The following LURAP1 variants were observed in gnomAD, a reference collection of about 807,000 sequenced individuals.
LURAP1 encodes the protein leucine rich adaptor protein 1, also known as NF-kappa-B activator C1orf190.
Under a neutral mutation model 19.0 loss-of-function variants are expected in LURAP1, and 14 were observed. That is an observed-to-expected ratio of 0.74 (90% confidence interval 0.49 to 1.15). The LOEUF (loss-of-function observed/expected upper bound fraction) is 1.15. Ranked by LOEUF, LURAP1 falls within the 50% of genes most tolerant of loss-of-function variation. LURAP1 has a pLI of 0.00. For missense variants in LURAP1, 273 were observed against 309.1 expected (o/e 0.88, Z 0.87); for synonymous variants, 129 against 131.8 (o/e 0.98, Z 0.14).
chr1:46,220,025 A>G lies in LURAP1; in HGVS notation c.525A>G (p.Ile175Met). 6.2e-7 allele frequency: 1 copy of G among 1,614,246 alleles called. No homozygotes were observed. The highest frequency in any genetic ancestry group is 2.2e-5 in the East Asian group (1 of 44,890). Residue 175 changes from isoleucine (I) to methionine (M), a missense_variant, in exon 2 of 2, where the codon ATA becomes ATG. Transcript: ENST00000371980. ...PRSEMDWAKV[I>M]AGGERARTEV... ...CCGAGATGGACTGGGCAAAAGTTAT[A>G]GCTGGTGGAGAGAGGGCCAGGACTG...
At position 46,220,726 on chromosome 1, in the gene LURAP1, CTAGAGATACTTCTA is replaced by C. The variant is rs1386306036; in HGVS notation, c.*515_*528del. On this transcript the variant is annotated 3_prime_UTR_variant, in exon 2 of 2. Transcript: ENST00000371980. The stretch of plus-strand genomic sequence containing the variant: ...AAAGTGCTGGGATTATGCCCAGCCC[CTAGAGATACTTCTA>C]TAGAGATATTGACTCTAAAGGATTG... 6.5e-6 allele frequency: 1 copy of C among 153,370 alleles called. No individual in the cohort carries two copies. The highest frequency in any genetic ancestry group is 1.4e-5 in the Non-Finnish European group (1 of 68,994). 9.5% of individuals were successfully genotyped at this position (153,370 alleles called of 1,614,324 possible).
At chr1:46,216,529 A>T (rs540480935) in intron 1 of LURAP1, among the ~76,000 whole-genome samples, 101 of 152,150 alleles carry the variant, frequency 6.6e-4, no homozygotes, top group African/African-American at 2.4e-3. Context: ...TTTTGTAGAG[A>T]CAGTGTCTCA....
At chr1:46,209,537 CT>C (rs55948355) in intron 1 of LURAP1, among the ~76,000 whole-genome samples, 62 of 139,838 alleles carry the variant, frequency 4.4e-4, no homozygotes, top group African/African-American at 7.3e-4. Flanking sequence ...TTGTTGTTTT[CT>C]TTTTTTTTTT....
chr1:46,216,845 A>T (rs571433953), intron 1 of LURAP1, among the ~76,000 whole-genome samples: 14 of 152,298 alleles, frequency 9.2e-5, no homozygotes, highest in African/African-American at 3.4e-4. Flanking sequence ...CTTTATGTTC[A>T]TATACCCAAT....
intron 1 of LURAP1, among the ~76,000 whole-genome samples, chr1:46,204,336 T>C (rs1658646054): frequency 6.6e-6 from 1 of 152,166 alleles, no homozygotes; most frequent in East Asian, 1.9e-4. Flanking sequence ...ACCCTCCCCT[T>C]TCTCTATTGC....
intron 1 of LURAP1, among the ~76,000 whole-genome samples, chr1:46,208,334 A>T (rs1390030030): frequency 6.6e-6 from 1 of 152,132 alleles, no homozygotes; most frequent in Non-Finnish European, 1.5e-5. Context: ...GTCTTATCTT[A>T]CCCACTAGAT....
At chr1:46,205,902 G>A (rs896115104) in intron 1 of LURAP1, among the ~76,000 whole-genome samples, 6 of 152,250 alleles carry the variant, frequency 3.9e-5, no homozygotes, top group African/African-American at 1.4e-4. Context: ...AGCCCTCTAA[G>A]GACTGTCCTT....
intron 1 of LURAP1, among the ~76,000 whole-genome samples, chr1:46,205,035 A>T (rs1658667334): frequency 6.6e-6 from 1 of 152,180 alleles, no homozygotes; most frequent in Admixed American, 6.5e-5. Context: ...AGGCAGGCAG[A>T]TCGCTTGAGC....
chr1:46,215,910 T>C (rs1659050415), intron 1 of LURAP1, among the ~76,000 whole-genome samples: 1 of 151,978 alleles, frequency 6.6e-6, no homozygotes, highest in Non-Finnish European at 1.5e-5. Flanking sequence ...AAAAATAAAA[T>C]ACGACAATGG....
intron 1 of LURAP1, among the ~76,000 whole-genome samples, chr1:46,205,616 T>C (rs867631328): frequency 3.3e-5 from 5 of 152,218 alleles, no homozygotes; most frequent in African/African-American, 9.6e-5. Flanking sequence ...CTGTAAACTT[T>C]AAGGGGCTGC....
intron 1 of LURAP1, among the ~76,000 whole-genome samples, chr1:46,210,212 A>G (rs1268870596): frequency 6.6e-6 from 1 of 152,200 alleles, no homozygotes; most frequent in African/African-American, 2.4e-5. Context: ...AAATAATTTC[A>G]GGTATAAAAT....
chr1:46,207,169 C>T (rs1013649358), intron 1 of LURAP1, among the ~76,000 whole-genome samples: 4 of 152,090 alleles, frequency 2.6e-5, no homozygotes, highest in Non-Finnish European at 5.9e-5. Context: ...CAACCTCTGC[C>T]TTCCAAGCTC....
chr1:46,213,658 T>C (rs1203061284), intron 1 of LURAP1, among the ~76,000 whole-genome samples: 1 of 152,080 alleles, frequency 6.6e-6, no homozygotes, highest in East Asian at 1.9e-4. Flanking sequence ...AGTTTGAGGC[T>C]ACAGTGAGCT....
intron 1 of LURAP1, among the ~76,000 whole-genome samples, chr1:46,210,853 C>G (rs1257179189): frequency 6.6e-6 from 1 of 152,058 alleles, no homozygotes; most frequent in Non-Finnish European, 1.5e-5. Flanking sequence ...CAGCTCACTG[C>G]AGCCTGTACT....
At chr1:46,213,112 CAT>C (rs1658954588) in intron 1 of LURAP1, among the ~76,000 whole-genome samples, 3 of 151,896 alleles carry the variant, frequency 2.0e-5, no homozygotes, top group African/African-American at 4.8e-5. Flanking sequence ...TATATATGCA[CAT>C]ATATATAAAC....
chr1:46,207,532 C>G (rs1366731520), intron 1 of LURAP1, among the ~76,000 whole-genome samples: 1 of 151,606 alleles, frequency 6.6e-6, no homozygotes, highest in African/African-American at 2.4e-5. Flanking sequence ...ACTTTTCTTT[C>G]TTTCTTTCTT....
intron 1 of LURAP1, among the ~76,000 whole-genome samples, chr1:46,210,221 A>T (rs970799028): frequency 2.6e-5 from 4 of 152,084 alleles, no homozygotes; most frequent in African/African-American, 9.7e-5. Context: ...CAGGTATAAA[A>T]TTTTTTTCTA....
At chr1:46,214,336 A>C (rs1231887793) in intron 1 of LURAP1, among the ~76,000 whole-genome samples, 1 of 149,558 alleles carries the variant, frequency 6.7e-6, no homozygotes, top group Non-Finnish European at 1.5e-5. Flanking sequence ...ACAGAATGAC[A>C]TTCTGTCTCA....
Position 46,213,966 on chromosome 1 carries a change from T to A in LURAP1, c.199-5733T>A, listed in dbSNP as rs113630049. Among the ~76,000 whole-genome samples the A allele has an allele frequency of 6.2e-3, 946 of 152,090 alleles. 9 individuals are homozygous for A. Among genetic ancestry groups the A allele is most frequent in the African/African-American group, 0.021 (880 of 41,468 alleles). On this transcript the variant is annotated intron_variant, in intron 1 of 1. Coordinates refer to ENST00000371980, the MANE Select transcript of LURAP1 (RefSeq NM_001013615.3). ...AGCTTCATACATACACGGTTTCTAG[T>A]CATTGTAGAGATCCACTCTGAAGGG...
Sources: gnomAD v4.1 joint callset for allele counts (sites outside exome capture counted in the v4.1 genomes callset) on GRCh38, gnomAD v4.1.1 for gene constraint, MANE v1.5 for transcripts, NCBI Gene and HGNC (gene_info 2026-07-23, HGNC 2026-07-21) for gene names.